KCNQ3: variants seen among roughly 807,000 people sequenced by gnomAD.
KCNQ3 encodes the protein potassium voltage-gated channel subfamily Q member 3.
Under a neutral mutation model 92.5 loss-of-function variants are expected in KCNQ3, and 30 were observed. That is an observed-to-expected ratio of 0.32 (90% CI 0.24 to 0.44). The LOEUF (loss-of-function observed/expected upper bound fraction) is 0.44. KCNQ3 is among the 20% of genes least tolerant of loss of function. The probability of loss-of-function intolerance (pLI) is 1.00; values close to 1 mark genes in which losing one functional copy is unlikely to be tolerated. For missense variants in KCNQ3, 913 were observed against 1,140.3 expected (o/e 0.80, Z 2.87); for synonymous variants, 450 against 468.8 (o/e 0.96, Z 0.52).
chr8:132,151,910 A>G (rs1825646338), intron 9 of KCNQ3, among the ~76,000 whole-genome samples: 1 of 152,238 alleles, frequency 6.6e-6, no homozygotes, highest in African/African-American at 2.4e-5. Flanking sequence ...GGTGAATAAC[A>G]TCAATATATG....
chr8:132,394,920 A>C (rs189244465), intron 1 of KCNQ3, among the ~76,000 whole-genome samples: 61 of 152,140 alleles, frequency 4.0e-4, no homozygotes, highest in African/African-American at 1.4e-3. Flanking sequence ...CCAATGGTCA[A>C]CTCCAGCTGC....
intron 1 of KCNQ3, among the ~76,000 whole-genome samples, chr8:132,204,232 G>A (rs960315529): frequency 3.3e-5 from 5 of 152,176 alleles, no homozygotes; most frequent in African/African-American, 1.2e-4. Context: ...TCTGAGCTGC[G>A]CCGGAGGCAG....
chr8:132,191,181 CTG>C (rs893131165), intron 1 of KCNQ3, among the ~76,000 whole-genome samples: 1 of 152,130 alleles, frequency 6.6e-6, no homozygotes, highest in African/African-American at 2.4e-5. Flanking sequence ...TGGTCTCATT[CTG>C]TCACCCAGGT....
chr8:132,308,032 T>C (rs2130603263), intron 1 of KCNQ3, among the ~76,000 whole-genome samples: 1 of 152,254 alleles, frequency 6.6e-6, no homozygotes, highest in East Asian at 1.9e-4. Flanking sequence ...GCACTAAAGC[T>C]TCCTGGGGCT....
intron 1 of KCNQ3, among the ~76,000 whole-genome samples, chr8:132,226,236 A>G (rs370471071): frequency 1.3e-5 from 2 of 151,030 alleles, no homozygotes; most frequent in East Asian, 3.9e-4. Flanking sequence ...GCACCAGTGC[A>G]CTCCAGCCTG....
chr8:132,200,330 T>C (rs1036628069), intron 1 of KCNQ3, among the ~76,000 whole-genome samples: 3 of 151,564 alleles, frequency 2.0e-5, no homozygotes, highest in Non-Finnish European at 4.4e-5. Context: ...TTATTGTCTA[T>C]GGTTGCTTTT....
chr8:132,383,993 A>C (rs1819828065), intron 1 of KCNQ3, among the ~76,000 whole-genome samples: 1 of 150,710 alleles, frequency 6.6e-6, no homozygotes, highest in Non-Finnish European at 1.5e-5. Flanking sequence ...GCTGTAATGC[A>C]CTTTGTCAGG....
At chr8:132,460,649 A>G (rs1394752324) in intron 1 of KCNQ3, among the ~76,000 whole-genome samples, 1 of 152,270 alleles carries the variant, frequency 6.6e-6, no homozygotes, top group African/African-American at 2.4e-5. Context: ...ATCACCTTCA[A>G]TGAGGTTGTT....
intron 1 of KCNQ3, among the ~76,000 whole-genome samples, chr8:132,258,335 A>G (rs1259079586): frequency 6.6e-6 from 1 of 152,190 alleles, no homozygotes; most frequent in Non-Finnish European, 1.5e-5. Flanking sequence ...ACGTAATAAA[A>G]TTAGTAATCA....
chr8:132,191,079 G>C (rs1329600052), intron 1 of KCNQ3, among the ~76,000 whole-genome samples: 2 of 152,232 alleles, frequency 1.3e-5, no homozygotes, highest in Non-Finnish European at 2.9e-5. Flanking sequence ...GGTGAACTTG[G>C]AGAGACAGGC....
At chr8:132,146,675 C>T (rs1825459701) in intron 9 of KCNQ3, among the ~76,000 whole-genome samples, 1 of 151,616 alleles carries the variant, frequency 6.6e-6, no homozygotes, top group Admixed American at 6.6e-5. Context: ...CTCACTGCAA[C>T]CTCTGCTCCT....
At chr8:132,143,394 C>T (rs889361037) in intron 9 of KCNQ3, among the ~76,000 whole-genome samples, 5 of 152,286 alleles carry the variant, frequency 3.3e-5, no homozygotes, top group Admixed American at 1.3e-4. Flanking sequence ...CCATGCCTGC[C>T]CGCCCCACTG....
chr8:132,220,819 T>A (rs1275037379), intron 1 of KCNQ3, among the ~76,000 whole-genome samples: 6 of 151,858 alleles, frequency 4.0e-5, no homozygotes, highest in Non-Finnish European at 7.4e-5. Context: ...AACTTTTTTT[T>A]ATTTTTTTTA....
intron 1 of KCNQ3, among the ~76,000 whole-genome samples, chr8:132,270,963 T>C (rs1240016910): frequency 1.3e-5 from 2 of 152,208 alleles, no homozygotes; most frequent in African/African-American, 4.8e-5. Flanking sequence ...ATCCAGTCAA[T>C]TGTGTTACAG....
intron 1 of KCNQ3, among the ~76,000 whole-genome samples, chr8:132,459,516 A>G (rs570237935): frequency 1.3e-5 from 2 of 152,138 alleles, no homozygotes; most frequent in Non-Finnish European, 2.9e-5. Flanking sequence ...ACGGGAACTA[A>G]TAAGAATGAG....
chr8:132,409,065 T>C (rs1820578016), intron 1 of KCNQ3, among the ~76,000 whole-genome samples: 2 of 152,220 alleles, frequency 1.3e-5, no homozygotes, highest in South Asian at 2.1e-4. Flanking sequence ...ATTTGTTATA[T>C]AGCAGTAAAA....
chr8:132,212,271 C>G (rs919517384), intron 1 of KCNQ3, among the ~76,000 whole-genome samples: 2 of 152,088 alleles, frequency 1.3e-5, no homozygotes, highest in Admixed American at 6.6e-5. Context: ...AGACAAAAGG[C>G]CTTCACCACT....
At chr8:132,140,928 A>G in intron 10 of KCNQ3, 1 of 604,176 alleles carries the variant, frequency 1.7e-6, no homozygotes, top group Non-Finnish European at 2.9e-6. Context: ...GCAGCCCTAG[A>G]CTCCTGGGAA....
At chr8:132,210,306 C>T (rs142072802) in intron 1 of KCNQ3, among the ~76,000 whole-genome samples, 191 of 152,252 alleles carry the variant, frequency 1.3e-3, no homozygotes, top group African/African-American at 4.5e-3. Flanking sequence ...TGGATGTGAG[C>T]CATGTCTCTT....
Sources: allele counts gnomAD v4.1 joint callset (sites outside exome capture counted in the v4.1 genomes callset), GRCh38; gene constraint gnomAD v4.1.1; transcripts MANE v1.5; gene names NCBI Gene and HGNC (gene_info 2026-07-23, HGNC 2026-07-21).